The following RNF32 variants were observed in gnomAD, a reference collection of about 807,000 sequenced individuals.
RNF32 encodes ring finger protein 32.
In RNF32, 36 loss-of-function variants were observed where a neutral mutation model predicts 41.0. The observed-to-expected ratio is 0.88, with a 90% confidence interval of 0.67 to 1.16. The LOEUF (loss-of-function observed/expected upper bound fraction) is 1.16, where lower values mean the gene tolerates loss of function less well. Ranked by LOEUF, RNF32 falls within the 50% of genes most tolerant of loss-of-function variation. The pLI is 0.00. For synonymous variants in RNF32, 154 were observed against 160.9 expected, an observed-to-expected ratio of 0.96 and a Z score of 0.32; for missense variants, 413 against 436.7, an observed-to-expected ratio of 0.95 and a Z score of 0.48.
At chr7:156,676,278 A>G in intron 8 of RNF32, 141 bp from the exon 9 acceptor site, 1 of 1,562,218 alleles carries the variant, frequency 6.4e-7, no homozygotes, top group Non-Finnish European at 8.7e-7. Flanking sequence ...AATAAAATGC[A>G]TGTGATTTTA....
At chr7:156,652,734 A>G (rs1049712426) in intron 3 of RNF32, among the ~76,000 whole-genome samples, 4 of 151,742 alleles carry the variant, frequency 2.6e-5, no homozygotes, top group African/African-American at 9.8e-5. Context: ...CTTATAGAAT[A>G]AGGATAAGAA....
At chr7:156,652,256 C>G (rs1178189668) in intron 3 of RNF32, among the ~76,000 whole-genome samples, 1 of 152,054 alleles carries the variant, frequency 6.6e-6, no homozygotes, top group East Asian at 1.9e-4. Context: ...TTTTTTGAGG[C>G]CTGTTTTTTT....
chr7:156,652,273 GCTTT>G (rs1450203852), intron 3 of RNF32, among the ~76,000 whole-genome samples: 1 of 151,890 alleles, frequency 6.6e-6, no homozygotes, highest in East Asian at 1.9e-4. Flanking sequence ...TTTTGAGTCT[GCTTT>G]CTGTCTCCGA....
rs111395740 is a variant in RNF32, at chr7:156,643,899, T to A, written c.15+7T>A. On this transcript the variant is annotated splice_region_variant and intron_variant, in intron 2 of 8. Transcript: ENST00000317955. ...CGGCATGTTAAAAAATAAGGTACGC[T>A]ATTCTTTTCTTAAACATACACGTTA... 6.2e-7 allele frequency: 1 copy of A among 1,609,132 alleles called. No homozygotes were observed. The highest frequency in any genetic ancestry group is 1.3e-5 in the African/African-American group (1 of 74,860).
At position 156,660,352 on chromosome 7, in the gene RNF32, C is replaced by G. The variant is rs1000804997; in HGVS notation, c.684+1782C>G. ...AACAGAAGTATGAATGCTATTCTAG[C>G]TTGTATATTACAAATGTGGTTTTTC... On this transcript the variant is annotated intron_variant, in intron 7 of 8. Coordinates refer to ENST00000317955, the MANE Select transcript of RNF32 (RefSeq NM_030936.4). 4 of 934,978 alleles carry G rather than the reference C, an allele frequency of 4.3e-6. No homozygotes were observed. In the African/African-American group the frequency reaches 7.1e-5, roughly 17 times the overall value. 57.9% of individuals were successfully genotyped at this position (934,978 alleles called of 1,614,324 possible).
chr7:156,644,490 A>T lies in RNF32; in HGVS notation c.16-9A>T, dbSNP rs1163059261. On this transcript the variant is annotated splice_polypyrimidine_tract_variant and intron_variant, in intron 2 of 8. Transcript: ENST00000317955. ...CTCCTCTAAATATGACTTTTTTCCTACTTTTTAGGGTCACTCATCTAAGAA... is the reference window on the plus strand; with the variant it reads ...CTCCTCTAAATATGACTTTTTTCCTTCTTTTTAGGGTCACTCATCTAAGAA... The T allele has an allele frequency of 6.2e-7, 1 of 1,601,354 alleles. No individual in the cohort carries two copies. Among genetic ancestry groups the T allele is most frequent in the Admixed American group, 1.7e-5 (1 of 58,142 alleles).
chr7:156,646,313 C>CA, intron 3 of RNF32: 1 of 806,162 alleles, frequency 1.2e-6, no homozygotes, highest in Non-Finnish European at 1.8e-6. Context: ...CAGGGTTCTA[C>CA]AGAAGAATCC....
Position 156,643,868 on chromosome 7 carries a change from C to A in RNF32, c.-10C>A. 1.2e-6 allele frequency: 2 copies of A among 1,611,628 alleles called. No homozygotes were observed. Among genetic ancestry groups the A allele is most frequent in the Non-Finnish European group, 1.7e-6 (2 of 1,177,882 alleles). On this transcript the variant is annotated 5_prime_UTR_variant, in exon 2 of 9. Transcript: ENST00000317955. ...TGTGATAGCCAAGCAACAACTTTTC[C>A]TAATTCGGCATGTTAAAAAATAAGG...
At chr7:156,649,631 C>T (rs1798444330) in intron 3 of RNF32, among the ~76,000 whole-genome samples, 2 of 152,040 alleles carry the variant, frequency 1.3e-5, no homozygotes, top group African/African-American at 2.4e-5. Flanking sequence ...AATAGGTGTA[C>T]TTTTTTAAAT....
At chr7:156,668,284 G>C (rs536597447) in intron 7 of RNF32, among the ~76,000 whole-genome samples, 1 of 152,172 alleles carries the variant, frequency 6.6e-6, no homozygotes, top group Non-Finnish European at 1.5e-5. Flanking sequence ...GGGACACATG[G>C]ATCCCACCAG....
chr7:156,640,358 G>C, upstream of RNF32: 1 of 445,578 alleles, frequency 2.2e-6, no homozygotes, highest in South Asian at 1.6e-5. Context: ...GAGGAGCGTG[G>C]CTGCGCCCAC....
At chr7:156,645,634 T>G (rs1797887070) in intron 3 of RNF32, among the ~76,000 whole-genome samples, 1 of 152,216 alleles carries the variant, frequency 6.6e-6, no homozygotes, top group African/African-American at 2.4e-5. Flanking sequence ...GCAGAAGGCA[T>G]GTAGGCTAAT....
chr7:156,649,514 TATGTG>T (rs1798429739), intron 3 of RNF32, among the ~76,000 whole-genome samples: 3 of 152,222 alleles, frequency 2.0e-5, no homozygotes, highest in African/African-American at 7.2e-5. Context: ...TTTACTTACT[TATGTG>T]ATGTTTGCCC....
intron 8 of RNF32, chr7:156,676,134 G>A: frequency 3.2e-6 from 3 of 949,148 alleles, no homozygotes; most frequent in Non-Finnish European, 4.5e-6. Flanking sequence ...TAGGGTGACG[G>A]CAAAGGTCCC....
At chr7:156,642,864 A>G (rs923382467) in intron 1 of RNF32, 1 of 152,062 alleles carries the variant, frequency 6.6e-6, no homozygotes, top group Non-Finnish European at 1.5e-5. Flanking sequence ...CTGGGGATCA[A>G]TTTTTTTTCT....
chr7:156,664,219 T>C (rs1297269250), intron 7 of RNF32, among the ~76,000 whole-genome samples: 1 of 152,046 alleles, frequency 6.6e-6, no homozygotes, highest in Non-Finnish European at 1.5e-5. Context: ...CCCAGCACTT[T>C]GGGAGGCTGA....
At chr7:156,668,684 A>G (rs6954377) in intron 7 of RNF32, among the ~76,000 whole-genome samples, 1,994 of 152,218 alleles carry the variant, frequency 0.013, 50 homozygotes, top group African/African-American at 0.045. Flanking sequence ...CACGCTTTCC[A>G]TCGTCAGCGG....
At chr7:156,665,331 C>G (rs897819960) in intron 7 of RNF32, among the ~76,000 whole-genome samples, 2 of 152,164 alleles carry the variant, frequency 1.3e-5, no homozygotes, top group African/African-American at 2.4e-5. Context: ...TGTTCACATG[C>G]GTTCACCTCA....
intron 3 of RNF32, chr7:156,646,513 TC>T: frequency 1.5e-6 from 2 of 1,294,804 alleles, no homozygotes; most frequent in Non-Finnish European, 2.0e-6. Context: ...CTTAACTACA[TC>T]TGCAAAGACC....
Sources: gnomAD v4.1 joint callset for allele counts (sites outside exome capture counted in the v4.1 genomes callset) on GRCh38, gnomAD v4.1.1 for gene constraint, MANE v1.5 for transcripts, NCBI Gene and HGNC (gene_info 2026-07-23, HGNC 2026-07-21) for gene names.